The following ADARB2 variants were observed in gnomAD, a reference collection of about 807,000 sequenced individuals.
ADARB2 encodes the protein inactive double-stranded RNA-specific editase B2.
ADARB2 carries 25 observed loss-of-function variants against 62.2 expected under a neutral mutation model. The observed-to-expected ratio is 0.40, with a 90% CI of 0.29 to 0.56. The LOEUF (loss-of-function observed/expected upper bound fraction) is 0.56. ADARB2 is among the 20% of genes least tolerant of loss of function. The pLI is 0.43. For synonymous variants in ADARB2, 572 were observed against 500.8 expected, an observed-to-expected ratio of 1.14 and a Z score of -1.90; for missense variants, 1,071 against 1,077.4, an observed-to-expected ratio of 0.99 and a Z score of 0.08.
intron 3 of ADARB2, among the ~76,000 whole-genome samples, chr10:1,274,866 G>C (rs971335737): frequency 6.6e-6 from 1 of 152,240 alleles, no homozygotes; most frequent in Non-Finnish European, 1.5e-5. Flanking sequence ...CTGAGGAAAA[G>C]CAGGATCTGA....
intron 6 of ADARB2, among the ~76,000 whole-genome samples, chr10:1,223,845 T>C (rs1372834735): frequency 2.6e-5 from 4 of 152,236 alleles, no homozygotes; most frequent in Non-Finnish European, 5.9e-5. Flanking sequence ...TTGAGAATTT[T>C]TGCATCAATG....
chr10:1,319,467 ACCCT>A (rs1554754079), intron 3 of ADARB2, among the ~76,000 whole-genome samples: 1 of 152,108 alleles, frequency 6.6e-6, no homozygotes, highest in Non-Finnish European at 1.5e-5. Context: ...TGTATCAAAA[ACCCT>A]CCATCATAAT....
chr10:1,507,199 C>T (rs770863513), intron 1 of ADARB2, among the ~76,000 whole-genome samples: 8 of 152,170 alleles, frequency 5.3e-5, no homozygotes, highest in Admixed American at 4.6e-4. Flanking sequence ...TCAATAAATA[C>T]GGAAGCCAGG....
Position 1,233,604 on chromosome 10 carries a change from T to G in ADARB2, c.1513+90A>C. On this transcript the variant is annotated intron_variant, in intron 6 of 9. Transcript: ENST00000381312. ...CCAAGGGCCCCACACACCGCGCCCCTGCCCTGGGCTGTGAAAGCCCAGGAC... is the reference window on the plus strand; with the variant it reads ...CCAAGGGCCCCACACACCGCGCCCCGGCCCTGGGCTGTGAAAGCCCAGGAC... 4.3e-6 allele frequency: 6 copies of G among 1,382,674 alleles called. No homozygotes were observed. The South Asian group carries it at 5.2e-5, about 12-fold the overall frequency. 85.7% of individuals were successfully genotyped at this position (1,382,674 alleles called of 1,614,324 possible).
At chr10:1,721,087 G>A (rs1221235219) in intron 1 of ADARB2, among the ~76,000 whole-genome samples, 1 of 152,216 alleles carries the variant, frequency 6.6e-6, no homozygotes, top group African/African-American at 2.4e-5. Context: ...TGAAGGAAAT[G>A]CAGGAAGAGA....
intron 1 of ADARB2, among the ~76,000 whole-genome samples, chr10:1,545,648 G>A (rs1017966160): frequency 2.6e-5 from 4 of 152,196 alleles, no homozygotes; most frequent in Non-Finnish European, 5.9e-5. Flanking sequence ...CAGCCAAGGG[G>A]TATTACCTGT....
chr10:1,720,700 C>T (rs1835079817), intron 1 of ADARB2, among the ~76,000 whole-genome samples: 1 of 152,152 alleles, frequency 6.6e-6, no homozygotes, highest in Non-Finnish European at 1.5e-5. Context: ...GCCCACACTG[C>T]AGGAGCATGC....
intron 1 of ADARB2, among the ~76,000 whole-genome samples, chr10:1,692,884 G>C (rs1834690736): frequency 6.6e-6 from 1 of 152,174 alleles, no homozygotes; most frequent in Non-Finnish European, 1.5e-5. Flanking sequence ...TAGCATGTTT[G>C]ATAAGACTTG....
At chr10:1,702,186 T>A (rs972903540) in intron 1 of ADARB2, among the ~76,000 whole-genome samples, 3 of 152,218 alleles carry the variant, frequency 2.0e-5, no homozygotes, top group African/African-American at 7.2e-5. Flanking sequence ...GAATTGTTCA[T>A]CCACCTTCAA....
intron 1 of ADARB2, among the ~76,000 whole-genome samples, chr10:1,472,558 A>C (rs955558981): frequency 6.6e-6 from 1 of 152,178 alleles, no homozygotes; most frequent in Non-Finnish European, 1.5e-5. Flanking sequence ...TGGGAGAAGG[A>C]CCAGTTAGAG....
chr10:1,608,477 G>A (rs1193935234), intron 1 of ADARB2, among the ~76,000 whole-genome samples: 1 of 150,804 alleles, frequency 6.6e-6, no homozygotes, highest in African/African-American at 2.4e-5. Context: ...GGGAAGGAAG[G>A]AAAAAAGGAA....
chr10:1,600,680 A>AAG (rs1833400275), intron 1 of ADARB2, among the ~76,000 whole-genome samples: 1 of 151,710 alleles, frequency 6.6e-6, no homozygotes. Flanking sequence ...AAAAAAAAAA[A>AAG]AAAAGATTCA....
intron 8 of ADARB2, among the ~76,000 whole-genome samples, chr10:1,195,104 G>A (rs1485907921): frequency 2.6e-5 from 4 of 152,152 alleles, no homozygotes; most frequent in African/African-American, 7.2e-5. Flanking sequence ...TTAGCCTCCC[G>A]TGGGTGCTGA....
intron 1 of ADARB2, among the ~76,000 whole-genome samples, chr10:1,639,162 G>A (rs1262333594): frequency 6.6e-6 from 1 of 152,258 alleles, no homozygotes; most frequent in Non-Finnish European, 1.5e-5. Flanking sequence ...GTGCTCTCCT[G>A]CTGCCTGCCA....
At chr10:1,684,369 GAA>G (rs1220712207) in intron 1 of ADARB2, among the ~76,000 whole-genome samples, 1 of 152,162 alleles carries the variant, frequency 6.6e-6, no homozygotes, top group Non-Finnish European at 1.5e-5. Context: ...CATAGAATGT[GAA>G]GTGTTTGTTA....
intron 3 of ADARB2, among the ~76,000 whole-genome samples, chr10:1,316,449 G>A (rs1285118496): frequency 6.6e-6 from 1 of 152,258 alleles, no homozygotes; most frequent in African/African-American, 2.4e-5. Flanking sequence ...GCTGATGGCA[G>A]TGTCGGCCAC....
intron 1 of ADARB2, among the ~76,000 whole-genome samples, chr10:1,509,530 A>G (rs1162629368): frequency 6.6e-6 from 1 of 152,180 alleles, no homozygotes; most frequent in Non-Finnish European, 1.5e-5. Context: ...TTGCCATTAG[A>G]GTTACAACTT....
chr10:1,565,612 G>C (rs539858834), intron 1 of ADARB2, among the ~76,000 whole-genome samples: 5 of 152,292 alleles, frequency 3.3e-5, no homozygotes, highest in Non-Finnish European at 5.9e-5. Context: ...CAGGAAAAGA[G>C]AGATTTGAAT....
chr10:1,316,326 T>C (rs1294540533), intron 3 of ADARB2, among the ~76,000 whole-genome samples: 1 of 152,244 alleles, frequency 6.6e-6, no homozygotes, highest in Non-Finnish European at 1.5e-5. Flanking sequence ...TGATGGCGGC[T>C]TCCCTGAGTC....
Sources: gnomAD v4.1 joint callset for allele counts (sites outside exome capture counted in the v4.1 genomes callset) on GRCh38, gnomAD v4.1.1 for gene constraint, MANE v1.5 for transcripts, NCBI Gene and HGNC (gene_info 2026-07-23, HGNC 2026-07-21) for gene names.